Variants in POLK observed in about 807,000 individuals in gnomAD.
POLK encodes the protein polymerase (DNA directed) kappa.
Under a neutral mutation model 94.0 loss-of-function variants are expected in POLK, and 76 were observed. That is an observed-to-expected ratio of 0.81 (90% confidence interval 0.67 to 0.98). POLK has a LOEUF of 0.98. Ranked by LOEUF, POLK falls within the 50% of genes least tolerant of loss-of-function variation. The pLI is 0.00. For missense variants in POLK, 954 were observed against 1,010.1 expected, an observed-to-expected ratio of 0.94 and a Z score of 0.75; for synonymous variants, 349 against 325.4, an observed-to-expected ratio of 1.07 and a Z score of -0.78.
At chr5:75,569,549 C>A in intron 4 of POLK, 57 bp downstream of exon 4, 2 of 1,433,056 alleles carry the variant, frequency 1.4e-6, no homozygotes, top group Admixed American at 2.0e-5. Flanking sequence ...GTAAGCTTTA[C>A]TGTTTCATGA....
rs377596805 is a variant in POLK at position 75,573,722 on chromosome 5, G to T, written c.409-16G>T. Reference sequence around the variant, plus strand: ...AGGTTTGTGTATTTTTTTCCATGTGGTCAATTTTCTTTCAGTCTACTTCAA... The same window carrying T: ...AGGTTTGTGTATTTTTTTCCATGTGTTCAATTTTCTTTCAGTCTACTTCAA... On this transcript the variant is annotated splice_polypyrimidine_tract_variant and intron_variant, in intron 4 of 14. Transcript: ENST00000241436. 2 of 1,607,678 alleles carry T rather than the reference G, an allele frequency of 1.2e-6. No homozygotes were observed. The highest frequency in any genetic ancestry group is 1.3e-5 in the African/African-American group (1 of 74,734).
intron 1 of POLK, chr5:75,512,999 G>T (rs1768141803): frequency 6.6e-6 from 1 of 152,218 alleles, no homozygotes; most frequent in Non-Finnish European, 1.5e-5. Flanking sequence ...ATGGTGGTAG[G>T]TGCCTGTAAC....
chr5:75,519,613 T>A (rs1467826688), intron 1 of POLK, among the ~76,000 whole-genome samples: 1 of 152,224 alleles, frequency 6.6e-6, no homozygotes, highest in Admixed American at 6.5e-5. Context: ...AATTGACCTG[T>A]TTATCATAAT....
chr5:75,568,655 G>T, intron 3 of POLK: 1 of 433,848 alleles, frequency 2.3e-6, no homozygotes, highest in Non-Finnish European at 4.6e-6. Context: ...TACAGCTTGG[G>T]TTTTAAATTT....
At chr5:75,561,840 G>T (rs1770999047) in intron 3 of POLK, among the ~76,000 whole-genome samples, 1 of 152,002 alleles carries the variant, frequency 6.6e-6, no homozygotes, top group South Asian at 2.1e-4. Flanking sequence ...TATTTCTGAG[G>T]CCTCTGTTCT....
chr5:75,590,334 G>A lies in POLK; in HGVS notation c.1260-10G>A. The stretch of plus-strand genomic sequence containing the variant: ...TACTTTGTGCGCCAAAATTATTCTT[G>A]TCTTTCTAGGACATTCAGTGAGATA... On this transcript the variant is annotated splice_polypyrimidine_tract_variant and intron_variant, in intron 10 of 14. Coordinates refer to ENST00000241436, the Ensembl canonical transcript of POLK. The A allele has an allele frequency of 6.7e-7, 1 of 1,498,956 alleles. No homozygotes were observed. Among genetic ancestry groups the A allele is most frequent in the Non-Finnish European group, 9.1e-7 (1 of 1,097,246 alleles). The allele number at this position is 1,498,956 out of a possible 1,614,324, so 92.9% of individuals were successfully genotyped here.
At chr5:75,597,788 A>C in exon 14 of POLK, 1 of 1,506,146 alleles carries the variant, frequency 6.6e-7, no homozygotes, top group Non-Finnish European at 8.9e-7. Context: ...AAGAACAAAA[A>C]GGTATGGCTA....
chr5:75,565,134 T>C (rs1304056197), intron 3 of POLK, among the ~76,000 whole-genome samples: 1 of 152,194 alleles, frequency 6.6e-6, no homozygotes, highest in Non-Finnish European at 1.5e-5. Flanking sequence ...TAAGTTGATC[T>C]TCAGTCTCTG....
At chr5:75,559,535 T>G (rs1369588249) in intron 3 of POLK, among the ~76,000 whole-genome samples, 17 of 134,922 alleles carry the variant, frequency 1.3e-4, no homozygotes, top group South Asian at 7.8e-4. Context: ...TTTTTTTTTT[T>G]TTTTTTTTTT....
intron 11 of POLK, 65 bp downstream of exon 11, chr5:75,590,505 A>T (rs1561407071): frequency 1.2e-6 from 1 of 865,672 alleles, no homozygotes; most frequent in African/African-American, 1.7e-5. Flanking sequence ...CTACCTTAAA[A>T]GCTAGAGTTA....
downstream of POLK, among the ~76,000 whole-genome samples, chr5:75,605,885 C>T (rs113515573): frequency 2.9e-4 from 44 of 150,178 alleles, no homozygotes; most frequent in African/African-American, 9.3e-4. Context: ...TAAGGTGGGA[C>T]GAGAGATTTG....
chr5:75,549,451 C>T (rs1770226715), intron 2 of POLK, among the ~76,000 whole-genome samples: 1 of 151,342 alleles, frequency 6.6e-6, no homozygotes, highest in Non-Finnish European at 1.5e-5. Context: ...TTTTTTTTTA[C>T]ACTTTGTTCT....
intron 14 of POLK, 40 bp downstream of exon 14, chr5:75,597,829 T>C (rs1443172426): frequency 2.3e-6 from 3 of 1,323,720 alleles, no homozygotes; most frequent in Non-Finnish European, 3.1e-6. Context: ...GGCTACAATA[T>C]GAAAATTCAA....
chr5:75,594,578 C>T lies in POLK; in HGVS notation c.1528+529C>T, dbSNP rs149033084. Among the ~76,000 whole-genome samples, 332 of 152,290 alleles carry T rather than the reference C, an allele frequency of 2.2e-3. 1 individual carries two copies. The East Asian group carries it at 0.027, about 13-fold the overall frequency. ...AATTCAGTGCATGTAGAGTATATTA[C>T]GTTGTAATACTTCTTTGTGGATCTG... On this transcript the variant is annotated intron_variant, in intron 12 of 14. Transcript: ENST00000241436.
In POLK at chr5:75,578,448, C is replaced by T. The variant is rs1207189195; in HGVS notation, c.694+1515C>T. ...CTGGGATTACAGGCATGAGCCACCA[C>T]GCCCAGCCTACTAATGTTCTTTTCA... On this transcript the variant is annotated intron_variant, in intron 6 of 14. Transcript: ENST00000241436. Among the ~76,000 whole-genome samples, 5 of 152,308 alleles carry T rather than the reference C, an allele frequency of 3.3e-5. No individual in the cohort carries two copies. In the East Asian group the frequency reaches 7.7e-4, roughly 23 times the overall value.
At chr5:75,595,275 C>CAAAAAAAAAAAAA (rs1773016864) in intron 12 of POLK, among the ~76,000 whole-genome samples, 2 of 84,730 alleles carry the variant, frequency 2.4e-5, no homozygotes, top group South Asian at 4.4e-4. Context: ...AAAAAAAAAG[C>CAAAAAAAAAAAAA]CCAAGAGCAG....
At chr5:75,605,701 T>C, downstream of POLK, among the ~76,000 whole-genome samples, 1 of 152,296 alleles carries the variant, frequency 6.6e-6, no homozygotes, top group Middle Eastern at 3.4e-3. Flanking sequence ...CAATTCTTTA[T>C]AAACCACTAA....
chr5:75,531,491 A>G (rs930697202), intron 1 of POLK, among the ~76,000 whole-genome samples: 2 of 152,006 alleles, frequency 1.3e-5, no homozygotes, highest in Non-Finnish European at 2.9e-5. Flanking sequence ...GCTTATCCAT[A>G]TGAGATAATT....
At chr5:75,520,354 GGGTTTA>G (rs1768514584) in intron 1 of POLK, among the ~76,000 whole-genome samples, 1 of 152,104 alleles carries the variant, frequency 6.6e-6, no homozygotes, top group Non-Finnish European at 1.5e-5. Context: ...AGAGCATCCT[GGGTTTA>G]TCTATGTACT....
Sources: gnomAD v4.1 joint callset for allele counts (sites outside exome capture counted in the v4.1 genomes callset) on GRCh38, gnomAD v4.1.1 for gene constraint, MANE v1.5 for transcripts, NCBI Gene and HGNC (gene_info 2026-07-23, HGNC 2026-07-21) for gene names.